The following ITFG1 variants were observed in gnomAD, a reference collection of about 807,000 sequenced individuals.
The protein encoded by ITFG1 is integrin alpha FG-GAP repeat containing 1.
Under a neutral mutation model 81.8 loss-of-function variants are expected in ITFG1, and 34 were observed. That is an observed-to-expected ratio of 0.42 (90% CI 0.32 to 0.55). The LOEUF is 0.55. Among genes scored for constraint, ITFG1 ranks in the 20% least tolerant of loss-of-function variants. The probability of loss-of-function intolerance (pLI) is 0.17; values close to 1 mark genes in which losing one functional copy is unlikely to be tolerated. For missense variants in ITFG1, 672 were observed against 755.4 expected, an observed-to-expected ratio of 0.89 and a Z score of 1.29; for synonymous variants, 285 against 270.6, an observed-to-expected ratio of 1.05 and a Z score of -0.52.
At chr16:47,334,014 C>A (rs1967670317) in intron 8 of ITFG1, among the ~76,000 whole-genome samples, 1 of 152,106 alleles carries the variant, frequency 6.6e-6, no homozygotes, top group Non-Finnish European at 1.5e-5. Flanking sequence ...TTTGGCCCAC[C>A]AGTAAGAAAG....
chr16:47,331,337 G>A (rs1967634414), intron 8 of ITFG1, among the ~76,000 whole-genome samples: 1 of 152,106 alleles, frequency 6.6e-6, no homozygotes, highest in African/African-American at 2.4e-5. Flanking sequence ...GAGGGACAGA[G>A]GGAAGAGGGC....
intron 10 of ITFG1, among the ~76,000 whole-genome samples, chr16:47,291,994 G>A (rs1330865440): frequency 6.6e-6 from 1 of 151,078 alleles, no homozygotes; most frequent in Non-Finnish European, 1.5e-5. Flanking sequence ...ATATGATATG[G>A]CATTCATGAT....
At chr16:47,400,968 T>C (rs1378282155) in intron 6 of ITFG1, among the ~76,000 whole-genome samples, 2 of 152,188 alleles carry the variant, frequency 1.3e-5, no homozygotes, top group East Asian at 3.9e-4. Context: ...TTAATTTAGA[T>C]GTTAGGATGT....
In ITFG1 at chr16:47,288,015, T is replaced by A. The variant is rs141683790; in HGVS notation, c.1070+23225A>T. On this transcript the variant is annotated intron_variant, in intron 10 of 17. Coordinates refer to ENST00000320640, the MANE Select transcript of ITFG1 (RefSeq NM_030790.5). ...TCTCCAGGAAGTCTTCCTAGTTGCA[T>A]CCTGTAGACTAGGAGAAATGGTCCT... 7.5e-4 allele frequency among the ~76,000 whole-genome samples: 114 copies of A among 152,340 alleles called. No homozygotes were observed. The East Asian group carries it at 0.021, about 29-fold the overall frequency.
chr16:47,197,641 T>C (rs536357059), intron 14 of ITFG1, among the ~76,000 whole-genome samples: 1 of 152,338 alleles, frequency 6.6e-6, no homozygotes, highest in South Asian at 2.1e-4. Context: ...CTTTAAATAG[T>C]TGACAGAGTT....
intron 8 of ITFG1, among the ~76,000 whole-genome samples, chr16:47,353,195 A>T (rs1967990498): frequency 6.6e-6 from 1 of 152,134 alleles, no homozygotes. Flanking sequence ...TGTACCCTAG[A>T]ACTTAAAGTA....
intron 6 of ITFG1, among the ~76,000 whole-genome samples, chr16:47,392,497 A>C (rs1396779180): frequency 6.6e-6 from 1 of 151,998 alleles, no homozygotes. Context: ...GCTGTGCAGA[A>C]CCCTGTGATC....
At chr16:47,234,969 G>A (rs1355222845) in intron 13 of ITFG1, among the ~76,000 whole-genome samples, 1 of 152,144 alleles carries the variant, frequency 6.6e-6, no homozygotes, top group Admixed American at 6.5e-5. Context: ...CTGCTGCCCT[G>A]TGAAGAGGTG....
chr16:47,409,400 ATATATTTTTTTTTTT>A (rs1968777053), intron 6 of ITFG1, among the ~76,000 whole-genome samples: 1 of 12,700 alleles, frequency 7.9e-5, no homozygotes, highest in Non-Finnish European at 1.4e-4. Flanking sequence ...ATATATATAT[ATATATTTTTTTTTTT>A]TTTTTTTTTT....
At chr16:47,327,088 C>G (rs1466444611) in intron 8 of ITFG1, among the ~76,000 whole-genome samples, 4 of 152,128 alleles carry the variant, frequency 2.6e-5, no homozygotes, top group Non-Finnish European at 5.9e-5. Context: ...TACAAGGCTA[C>G]AGTAACCAAA....
chr16:47,439,276 G>A (rs1596985376), intron 5 of ITFG1, among the ~76,000 whole-genome samples: 1 of 152,186 alleles, frequency 6.6e-6, no homozygotes, highest in Admixed American at 6.5e-5. Context: ...ATATTATCCA[G>A]GAGAACTTCC....
intron 6 of ITFG1, chr16:47,426,305 G>C (rs1969020397): frequency 6.6e-6 from 1 of 151,528 alleles, no homozygotes; most frequent in Non-Finnish European, 1.5e-5. Flanking sequence ...TCATACTATT[G>C]AACTAAAAGT....
intron 6 of ITFG1, among the ~76,000 whole-genome samples, chr16:47,428,076 G>C (rs1038832543): frequency 6.6e-6 from 1 of 152,222 alleles, no homozygotes; most frequent in Non-Finnish European, 1.5e-5. Flanking sequence ...AGAGGTTGCA[G>C]TGAGCTGTGA....
chr16:47,449,158 A>G (rs1228237782), intron 5 of ITFG1: 1 of 152,232 alleles, frequency 6.6e-6, no homozygotes, highest in Non-Finnish European at 1.5e-5. Context: ...AGCATTTCAC[A>G]CTGAATTTAA....
At chr16:47,276,138 T>G (rs1966395893) in intron 10 of ITFG1, among the ~76,000 whole-genome samples, 1 of 152,110 alleles carries the variant, frequency 6.6e-6, no homozygotes, top group Non-Finnish European at 1.5e-5. Flanking sequence ...ATGAAATAAT[T>G]ATCTATATAG....
chr16:47,160,301 T>C (rs1255394799), intron 16 of ITFG1, among the ~76,000 whole-genome samples: 1 of 152,140 alleles, frequency 6.6e-6, no homozygotes, highest in Admixed American at 6.6e-5. Flanking sequence ...TGTATGAACA[T>C]GTATGTATAG....
At chr16:47,227,601 T>C (rs17738182) in intron 13 of ITFG1, among the ~76,000 whole-genome samples, 2,539 of 152,294 alleles carry the variant, frequency 0.017, 41 homozygotes, top group Non-Finnish European at 0.026. Flanking sequence ...ACCTCTGTTT[T>C]CTTTAGAGAC....
chr16:47,279,868 C>T (rs1313275548), intron 10 of ITFG1, among the ~76,000 whole-genome samples: 3 of 152,036 alleles, frequency 2.0e-5, no homozygotes, highest in Non-Finnish European at 4.4e-5. Flanking sequence ...TATTTTGTTT[C>T]TTAATGCTGC....
At chr16:47,181,683 A>G (rs1375621476) in intron 14 of ITFG1, among the ~76,000 whole-genome samples, 1 of 152,020 alleles carries the variant, frequency 6.6e-6, no homozygotes, top group East Asian at 1.9e-4. Flanking sequence ...TGGGAGGTGT[A>G]CCCAACAGCT....
Sources: gnomAD v4.1 joint callset for allele counts (sites outside exome capture counted in the v4.1 genomes callset) on GRCh38, gnomAD v4.1.1 for gene constraint, MANE v1.5 for transcripts, NCBI Gene and HGNC (gene_info 2026-07-23, HGNC 2026-07-21) for gene names.